Variants in UNC119B observed in about 807,000 individuals in gnomAD.
The protein encoded by UNC119B is protein unc-119 homolog B.
UNC119B carries 16 observed loss-of-function variants against 23.4 expected under a neutral mutation model. That is an observed-to-expected ratio of 0.68 (90% CI 0.46 to 1.04). UNC119B has a LOEUF of 1.04. Ranked by LOEUF, UNC119B falls within the 50% of genes least tolerant of loss-of-function variation. The pLI, the probability that UNC119B is intolerant of heterozygous loss-of-function variation, is 0.00. For missense variants in UNC119B, 350 were observed against 361.3 expected (o/e 0.97, Z 0.25); for synonymous variants, 144 against 145.4 (o/e 0.99, Z 0.07).
In UNC119B at chr12:120,713,357, C is replaced by A; in HGVS notation, c.328C>A (p.Leu110Ile). ...KIRDLETGTV[L>I]FEIAKPCVSD... The stretch of plus-strand genomic sequence containing the variant: ...TCGAGATTTGGAGACAGGGACAGTA[C>A]TTTTTGAGATTGCCAAACCTTGCGT... Residue 110 changes from leucine (L) to isoleucine (I), a missense_variant, in exon 2 of 5, where the codon CTT becomes ATT. Coordinates refer to ENST00000344651, the MANE Select transcript of UNC119B (RefSeq NM_001080533.3). The A allele has an allele frequency of 1.9e-6, 3 of 1,614,138 alleles. No individual in the cohort carries two copies. The highest frequency in any genetic ancestry group is 1.7e-6 in the Non-Finnish European group (2 of 1,179,976).
At position 120,713,392 on chromosome 12, in the gene UNC119B, G is replaced by T; in HGVS notation, c.358+5G>T. On this transcript the variant is annotated splice_donor_5th_base_variant and intron_variant, in intron 2 of 4. Transcript: ENST00000344651. Reference sequence around the variant, plus strand: ...TTGCCAAACCTTGCGTTTCAGGTAGGCCTCTACGTTGTGGTGACCACTAGA... The same window carrying T: ...TTGCCAAACCTTGCGTTTCAGGTAGTCCTCTACGTTGTGGTGACCACTAGA... 1 of 1,607,452 alleles carries T rather than the reference G, an allele frequency of 6.2e-7. No homozygotes were observed. The highest frequency in any genetic ancestry group is 8.5e-7 in the Non-Finnish European group (1 of 1,174,642).
Position 120,717,062 on chromosome 12 carries a change from T to C in UNC119B, c.643+20T>C, listed in dbSNP as rs1339375252. 3.2e-6 allele frequency: 5 copies of C among 1,545,800 alleles called. No individual in the cohort carries two copies. Among genetic ancestry groups the C allele is most frequent in the Non-Finnish European group, 4.4e-6 (5 of 1,145,726 alleles). ...ATGTCAGTATGTATCCCCTGACCCT[T>C]ACAGCACTCTAGATTCTGAGGGCTA... On this transcript the variant is annotated intron_variant, in intron 4 of 4. Coordinates refer to ENST00000344651, the MANE Select transcript of UNC119B (RefSeq NM_001080533.3).
chr12:120,715,729 C>T (rs112345317), intron 2 of UNC119B, among the ~76,000 whole-genome samples: 10,240 of 152,098 alleles, frequency 0.067, 476 homozygotes, highest in South Asian at 0.17. Context: ...GACAGGGTTT[C>T]TCCATGTTGG....
chr12:120,714,893 T>C (rs11065221), intron 2 of UNC119B, among the ~76,000 whole-genome samples: 1 of 152,146 alleles, frequency 6.6e-6, no homozygotes, highest in Non-Finnish European at 1.5e-5. Context: ...ACTTGTAATA[T>C]TCCCCACATT....
At chr12:120,718,736 G>A (rs1882831638) in intron 4 of UNC119B, among the ~76,000 whole-genome samples, 1 of 152,236 alleles carries the variant, frequency 6.6e-6, no homozygotes, top group South Asian at 2.1e-4. Context: ...AGAATCCTGT[G>A]ACTAGTGATG....
chr12:120,710,681 G>GC lies in UNC119B; in HGVS notation c.210dup (p.Glu71ArgfsTer16). 1 of 1,447,172 alleles carries GC rather than the reference G, an allele frequency of 6.9e-7. No individual in the cohort carries two copies. The highest frequency in any genetic ancestry group is 9.1e-7 in the Non-Finnish European group (1 of 1,104,526). The allele number at this position is 1,447,172 out of a possible 1,614,324, so 89.6% of individuals were successfully genotyped here. ...AGCTGCTGGCGCTGGACACCATCCG[G>GC]CCCGAGCACGTCCTGCGCCTCAGCC... On this transcript the variant is annotated frameshift_variant, in exon 1 of 5. Coordinates refer to ENST00000344651, the MANE Select transcript of UNC119B (RefSeq NM_001080533.3). LOFTEE classifies it high-confidence loss of function.
chr12:120,713,780 A>G (rs1165551459), intron 2 of UNC119B, among the ~76,000 whole-genome samples: 2 of 152,224 alleles, frequency 1.3e-5, no homozygotes, highest in African/African-American at 4.8e-5. Flanking sequence ...CCTTGAAATT[A>G]AACTATAATG....
chr12:120,713,639 C>T (rs1021597369), intron 2 of UNC119B, among the ~76,000 whole-genome samples: 1 of 152,240 alleles, frequency 6.6e-6, no homozygotes, highest in African/African-American at 2.4e-5. Context: ...GTAATCCTCA[C>T]ACCTCTTTGA....
In UNC119B at chr12:120,713,357, C is replaced by G; in HGVS notation, c.328C>G (p.Leu110Val). Reference sequence around the variant, plus strand: ...TCGAGATTTGGAGACAGGGACAGTACTTTTTGAGATTGCCAAACCTTGCGT... The same window carrying G: ...TCGAGATTTGGAGACAGGGACAGTAGTTTTTGAGATTGCCAAACCTTGCGT... ...KIRDLETGTV[L>V]FEIAKPCVSD... Residue 110 changes from leucine (L) to valine (V), a missense_variant, in exon 2 of 5, where the codon CTT (leucine) becomes GTT (valine). Leu to Val is a conservative substitution (Grantham distance 32). Coordinates refer to ENST00000344651, the MANE Select transcript of UNC119B (RefSeq NM_001080533.3). 6.2e-7 allele frequency: 1 copy of G among 1,614,138 alleles called. No individual in the cohort carries two copies. Among genetic ancestry groups the G allele is most frequent in the Non-Finnish European group, 8.5e-7 (1 of 1,179,976 alleles).
intron 2 of UNC119B, among the ~76,000 whole-genome samples, chr12:120,714,293 T>C (rs1001530881): frequency 5.3e-5 from 8 of 151,926 alleles, no homozygotes; most frequent in Non-Finnish European, 1.0e-4. Flanking sequence ...CATGGGTAAT[T>C]TTGTTGTTGT....
chr12:120,719,771 C>G lies in UNC119B; in HGVS notation c.644-149C>G, dbSNP rs1400203871. The G allele has an allele frequency of 1.5e-5, 9 of 590,922 alleles. No individual in the cohort carries two copies. In the East Asian group the frequency reaches 2.6e-4, roughly 17 times the overall value. The allele number at this position is 590,922 out of a possible 1,614,324, so 36.6% of individuals were successfully genotyped here. A position where few individuals can be genotyped will look rare whatever the true frequency, so the allele number is the denominator to read the frequency against. On this transcript the variant is annotated intron_variant, in intron 4 of 4. Transcript: ENST00000344651. ...CCCAGCTGTCAAGGGCTGCCTCCCT[C>G]TGTTCTGACCTCATCGTTATTCTGG...
Position 120,710,542 on chromosome 12 carries a change from G to T in UNC119B, c.68G>T (p.Gly23Val). 7.2e-7 allele frequency: 1 copy of T among 1,385,264 alleles called. No homozygotes were observed. 85.8% of individuals were successfully genotyped at this position (1,385,264 alleles called of 1,614,324 possible). ...SAAGPGGLVA[G>V]KEEKKKAGGG... ...GCTGGGCCCGGGGGGCTGGTGGCTG[G>T]CAAGGAGGAGAAGAAGAAGGCGGGC... The change falls in exon 1 of 5, where the codon GGC becomes GTC. Residue 23 changes from glycine to valine, a missense_variant. Gly to Val is a moderately radical substitution (Grantham distance 109). Transcript: ENST00000344651.
chr12:120,712,616 T>C (rs1384141281), intron 1 of UNC119B, among the ~76,000 whole-genome samples: 1 of 152,228 alleles, frequency 6.6e-6, no homozygotes, highest in Non-Finnish European at 1.5e-5. Flanking sequence ...GGTTTGTACA[T>C]TTTTAAATGG....
At chr12:120,712,411 T>G (rs1566019262) in intron 1 of UNC119B, among the ~76,000 whole-genome samples, 3 of 152,230 alleles carry the variant, frequency 2.0e-5, no homozygotes, top group Admixed American at 2.0e-4. Context: ...AAATGAGCTG[T>G]GGAGAAGATG....
intron 2 of UNC119B, among the ~76,000 whole-genome samples, chr12:120,715,229 C>T (rs1405392850): frequency 6.6e-6 from 1 of 152,156 alleles, no homozygotes; most frequent in Non-Finnish European, 1.5e-5. Flanking sequence ...ATTATCCTCA[C>T]ACTGAATCAC....
At chr12:120,711,391 GAATT>G (rs1882666170) in intron 1 of UNC119B, 1 of 152,240 alleles carries the variant, frequency 6.6e-6, no homozygotes, top group Admixed American at 6.5e-5. Flanking sequence ...ACATTCTCGT[GAATT>G]AAGAATGATT....
chr12:120,711,457 T>C (rs1415843508), intron 1 of UNC119B: 1 of 152,238 alleles, frequency 6.6e-6, no homozygotes, highest in Non-Finnish European at 1.5e-5. Flanking sequence ...TCCTAAGCTT[T>C]TTCGTTGATA....
intron 4 of UNC119B, 75 bp downstream of exon 4, chr12:120,717,117 C>T: frequency 7.0e-7 from 1 of 1,434,142 alleles, no homozygotes; most frequent in Non-Finnish European, 9.4e-7. Flanking sequence ...CCCATCTGGT[C>T]CAGCGCCCTG....
In UNC119B at chr12:120,719,996, C is replaced by T. The variant is rs746068713; in HGVS notation, c.720C>T (p.His240=). 2 of 1,614,146 alleles carry T rather than the reference C, an allele frequency of 1.2e-6. No individual in the cohort carries two copies. Among genetic ancestry groups the T allele is most frequent in the Non-Finnish European group, 1.7e-6 (2 of 1,180,008 alleles). ...FYFVDNKLIM[H]NKADYAYNGG... is the part of the protein sequence containing the mutation. The stretch of plus-strand genomic sequence containing the variant: ...TTGTTGACAACAAGCTGATAATGCA[C>T]AACAAGGCTGATTATGCCTATAATG... The change falls in exon 5 of 5, where the codon CAC becomes CAT. Residue 240 remains histidine, a synonymous_variant. Coordinates refer to ENST00000344651, the MANE Select transcript of UNC119B (RefSeq NM_001080533.3).
Sources: gnomAD v4.1 joint callset for allele counts (sites outside exome capture counted in the v4.1 genomes callset) on GRCh38, gnomAD v4.1.1 for gene constraint, MANE v1.5 for transcripts, NCBI Gene and HGNC (gene_info 2026-07-23, HGNC 2026-07-21) for gene names.